The following METAP1 variants were observed in gnomAD, a reference collection of about 807,000 sequenced individuals.
METAP1 encodes the protein methionyl aminopeptidase 1.
A neutral mutation model predicts 53.8 loss-of-function variants in METAP1; 28 were observed. The observed-to-expected ratio is 0.52, with a 90% CI of 0.39 to 0.71. The LOEUF is 0.71. METAP1 is among the 30% of genes least tolerant of loss of function. The pLI is 0.00. For synonymous variants in METAP1, 181 were observed against 165.7 expected (o/e 1.09, Z -0.71); for missense variants, 389 against 479.8 (o/e 0.81, Z 1.77).
At chr4:98,996,002 C>T in intron 1 of METAP1, 135 bp downstream of exon 1, 1 of 719,324 alleles carries the variant, frequency 1.4e-6, no homozygotes, top group Non-Finnish European at 2.3e-6. Context: ...TCCTCCTCCC[C>T]CCACCCGCGT....
At chr4:99,012,121 G>A (rs942600205) in intron 1 of METAP1, among the ~76,000 whole-genome samples, 2 of 151,996 alleles carry the variant, frequency 1.3e-5, no homozygotes, top group Non-Finnish European at 2.9e-5. Context: ...GGCCGGTCTT[G>A]CATTCCTGGC....
rs1389545188 is a variant in METAP1 at position 98,995,822 on chromosome 4, C to CA, written c.70dup (p.Thr24AsnfsTer19). ...GCAGTGAGGCCAAGCTCCAGTGTCC[C>CA]ACTTGCATCAAGCTGGGCATCCAGG... On this transcript the variant is annotated frameshift_variant, in exon 1 of 11. Coordinates refer to ENST00000296411, the MANE Select transcript of METAP1 (RefSeq NM_015143.3). LOFTEE classifies it high-confidence loss of function. The CA allele has an allele frequency of 1.6e-5, 25 of 1,544,200 alleles. No homozygotes were observed. Among genetic ancestry groups the CA allele is most frequent in the Non-Finnish European group, 2.2e-5 (25 of 1,143,558 alleles).
At chr4:99,054,277 G>A (rs948491154) in intron 9 of METAP1, among the ~76,000 whole-genome samples, 10 of 152,154 alleles carry the variant, frequency 6.6e-5, no homozygotes, top group Non-Finnish European at 1.3e-4. Flanking sequence ...TTCTACATCA[G>A]CACTTGCCGC....
intron 1 of METAP1, chr4:99,005,810 A>G (rs1283163354): frequency 2.3e-6 from 1 of 426,620 alleles, no homozygotes; most frequent in Non-Finnish European, 4.7e-6. Context: ...AAGTGAAGTA[A>G]CTCTGGAATG....
intron 9 of METAP1, among the ~76,000 whole-genome samples, chr4:99,055,080 T>A (rs1241390448): frequency 6.6e-6 from 1 of 151,902 alleles, no homozygotes; most frequent in Non-Finnish European, 1.5e-5. Flanking sequence ...CCACAAATCT[T>A]CAATTTATTT....
At chr4:99,019,031 A>T (rs988162981) in intron 1 of METAP1, among the ~76,000 whole-genome samples, 2 of 152,228 alleles carry the variant, frequency 1.3e-5, no homozygotes, top group Non-Finnish European at 2.9e-5. Context: ...TCCAAGACCT[A>T]ACTTTAGCAT....
At chr4:99,024,410 A>G (rs975137340) in intron 1 of METAP1, among the ~76,000 whole-genome samples, 4 of 152,140 alleles carry the variant, frequency 2.6e-5, no homozygotes, top group Non-Finnish European at 4.4e-5. Context: ...TTCCTGCTAC[A>G]AGGGGATCAG....
chr4:99,060,901 A>C (rs997789137), intron 10 of METAP1, among the ~76,000 whole-genome samples: 3 of 152,192 alleles, frequency 2.0e-5, no homozygotes, highest in African/African-American at 7.2e-5. Flanking sequence ...GTTAAAATGA[A>C]ATCCAGCGCC....
intron 8 of METAP1, among the ~76,000 whole-genome samples, chr4:99,046,278 G>A (rs1019274506): frequency 6.6e-6 from 1 of 152,156 alleles, no homozygotes; most frequent in African/African-American, 2.4e-5. Flanking sequence ...GCCAGGTGTG[G>A]TGGCGGGCGC....
At chr4:99,057,953 C>T in intron 10 of METAP1, 135 bp downstream of exon 10, 1 of 718,994 alleles carries the variant, frequency 1.4e-6, no homozygotes, top group Non-Finnish European at 2.3e-6. Context: ...AAACTTGATT[C>T]AGTATCGTGA....
At chr4:99,006,950 A>C (rs1723204820) in intron 1 of METAP1, among the ~76,000 whole-genome samples, 1 of 149,704 alleles carries the variant, frequency 6.7e-6, no homozygotes. Flanking sequence ...CTGCTGTTAG[A>C]TTTGTGAAAC....
chr4:99,029,479 C>G (rs1724833160), intron 2 of METAP1, among the ~76,000 whole-genome samples: 2 of 152,168 alleles, frequency 1.3e-5, no homozygotes, highest in Admixed American at 1.3e-4. Flanking sequence ...AGCTGAGATT[C>G]ACATTGCCTT....
chr4:99,027,373 T>A (rs1724635524), intron 1 of METAP1, among the ~76,000 whole-genome samples: 1 of 152,136 alleles, frequency 6.6e-6, no homozygotes, highest in African/African-American at 2.4e-5. Flanking sequence ...TTGTAAATGA[T>A]TTTTAGGGGA....
At chr4:99,037,609 T>C (rs2110355524) in intron 4 of METAP1, among the ~76,000 whole-genome samples, 1 of 152,132 alleles carries the variant, frequency 6.6e-6, no homozygotes, top group East Asian at 1.9e-4. Context: ...TATTGTTGTA[T>C]TATGTTCTCA....
In METAP1 at chr4:99,039,402, A is replaced by T. The variant is rs371117911; in HGVS notation, c.369A>T (p.Lys123Asn). Residue 123 changes from lysine to asparagine, a missense_variant, in exon 5 of 11, where the codon AAA (lysine) becomes AAT (asparagine). Transcript: ENST00000296411. Reference protein sequence around the residue: ...LGMSESEQALKGTSQIKLLSS... With the variant: ...LGMSESEQALNGTSQIKLLSS... The stretch of plus-strand genomic sequence containing the variant: ...TGTCTGAATCTGAACAGGCTCTTAA[A>T]GGTACTTCTCAGATTAAATTACTCT... The T allele has an allele frequency of 1.2e-6, 2 of 1,611,312 alleles. No individual in the cohort carries two copies. Among genetic ancestry groups the T allele is most frequent in the Non-Finnish European group, 1.7e-6 (2 of 1,178,114 alleles).
At chr4:99,031,101 GT>G (rs56082818) in intron 2 of METAP1, among the ~76,000 whole-genome samples, 1,117 of 109,908 alleles carry the variant, frequency 0.01, 14 homozygotes, top group African/African-American at 0.034. Flanking sequence ...CTCAAAGGTA[GT>G]TTTTTTTTTT....
In METAP1 at chr4:99,041,102, A is replaced by G. The variant is rs747940929; in HGVS notation, c.492A>G (p.Glu164=). 1 of 1,607,804 alleles carries G rather than the reference A, an allele frequency of 6.2e-7. No individual in the cohort carries two copies. Among genetic ancestry groups the G allele is most frequent in the East Asian group, 2.2e-5 (1 of 44,668 alleles). Residue 164 remains glutamate, a synonymous_variant, in exon 6 of 11, where the codon GAA becomes GAG. Transcript: ENST00000296411. ...TGATTAAACCAGGTGTAACTACTGA[A>G]GAAATAGATCACGCTGTACACTTAG... The part of the protein sequence containing the change: ...AGMIKPGVTT[E]EIDHAVHLAC...
Position 99,008,251 on chromosome 4 carries a change from T to C in METAP1, c.114+12384T>C, listed in dbSNP as rs113224562. On this transcript the variant is annotated intron_variant, in intron 1 of 10. Transcript: ENST00000296411. ...CAGGGAAAGGATGTGTTTATGGAAGTAGGAGCAAGCTGAGGCATGTAGGTA... is the reference window on the plus strand; with the variant it reads ...CAGGGAAAGGATGTGTTTATGGAAGCAGGAGCAAGCTGAGGCATGTAGGTA... Among the ~76,000 whole-genome samples the C allele has an allele frequency of 2.7e-3, 412 of 152,210 alleles. 4 individuals are homozygous for C. Among genetic ancestry groups the C allele is most frequent in the African/African-American group, 9.4e-3 (389 of 41,526 alleles).
At chr4:99,009,191 C>T (rs763702938) in intron 1 of METAP1, among the ~76,000 whole-genome samples, 20 of 152,278 alleles carry the variant, frequency 1.3e-4, no homozygotes, top group South Asian at 4.1e-4. Context: ...ATGTTGTACC[C>T]GTCACAGGAT....
Sources: gnomAD v4.1 joint callset for allele counts (sites outside exome capture counted in the v4.1 genomes callset) on GRCh38, gnomAD v4.1.1 for gene constraint, MANE v1.5 for transcripts, NCBI Gene and HGNC (gene_info 2026-07-23, HGNC 2026-07-21) for gene names.